Variants in TMEM71 observed in about 807,000 individuals in gnomAD.
The protein encoded by TMEM71 is transmembrane protein 71.
Under a neutral mutation model 38.0 loss-of-function variants are expected in TMEM71, and 44 were observed. That is an observed-to-expected ratio of 1.16 (90% CI 0.91 to 1.49). The LOEUF is 1.49. TMEM71 is among the 40% of genes most tolerant of loss of function. The pLI, the probability that TMEM71 is intolerant of heterozygous loss-of-function variation, is 0.00. For missense variants in TMEM71, 367 were observed against 348.6 expected, an observed-to-expected ratio of 1.05 and a Z score of -0.42; for synonymous variants, 133 against 122.5, an observed-to-expected ratio of 1.09 and a Z score of -0.56.
chr8:132,729,829 A>G (rs1827352476), intron 5 of TMEM71, among the ~76,000 whole-genome samples: 1 of 152,222 alleles, frequency 6.6e-6, no homozygotes, highest in Non-Finnish European at 1.5e-5. Context: ...CAATGAAAGG[A>G]TGGCTAAGAA....
the TMEM71 span, among the ~76,000 whole-genome samples, chr8:132,770,328 C>G: frequency 3.3e-5 from 5 of 152,158 alleles, no homozygotes; most frequent in African/African-American, 1.2e-4. Context: ...TAACAGCACT[C>G]GAATTTTGCA....
the TMEM71 span, among the ~76,000 whole-genome samples, chr8:132,765,958 T>C: frequency 6.6e-6 from 1 of 151,872 alleles, no homozygotes; most frequent in South Asian, 2.1e-4. Context: ...AATTTTTGTA[T>C]CTTTTAGTAC....
upstream of TMEM71, among the ~76,000 whole-genome samples, chr8:132,764,373 C>T (rs142980054): frequency 6.6e-6 from 1 of 151,712 alleles, no homozygotes; most frequent in Non-Finnish European, 1.5e-5. Context: ...GGCCTCTCTC[C>T]AATACACTCC....
intron 5 of TMEM71, among the ~76,000 whole-genome samples, chr8:132,730,720 T>C (rs1025518085): frequency 6.6e-6 from 1 of 152,240 alleles, no homozygotes; most frequent in African/African-American, 2.4e-5. Context: ...GGACAATTAC[T>C]TCTATGGTCC....
chr8:132,719,605 G>C (rs930202215), intron 7 of TMEM71, among the ~76,000 whole-genome samples: 2 of 150,748 alleles, frequency 1.3e-5, no homozygotes, highest in Non-Finnish European at 2.9e-5. Context: ...CAACTTTCCT[G>C]TCTGTCACCT....
At chr8:132,770,059 T>C in the TMEM71 span, among the ~76,000 whole-genome samples, 14 of 152,214 alleles carry the variant, frequency 9.2e-5, no homozygotes, top group Non-Finnish European at 1.9e-4. Flanking sequence ...CCTCTCCTGC[T>C]GCAGTTTTAA....
downstream of TMEM71, among the ~76,000 whole-genome samples, chr8:132,708,107 A>G (rs1826121034): frequency 6.6e-6 from 1 of 152,198 alleles, no homozygotes. Context: ...CAGATCACTG[A>G]GAATCTTTTG....
At chr8:132,752,954 T>G (rs1001906712) in intron 3 of TMEM71, among the ~76,000 whole-genome samples, 1 of 151,920 alleles carries the variant, frequency 6.6e-6, no homozygotes, top group East Asian at 1.9e-4. Flanking sequence ...AATGCAAAGT[T>G]TCTTGAGGTG....
At chr8:132,761,324 G>T (rs1053494355), upstream of TMEM71, among the ~76,000 whole-genome samples, 1 of 152,144 alleles carries the variant, frequency 6.6e-6, no homozygotes, top group African/African-American at 2.4e-5. Flanking sequence ...CCTCTGAGTT[G>T]CAGTTTTCTC....
chr8:132,719,548 C>A (rs2052701), intron 7 of TMEM71, among the ~76,000 whole-genome samples: 59,944 of 152,094 alleles, frequency 0.39, 13,240 homozygotes, highest in African/African-American at 0.6. Context: ...ACTTCTGGTT[C>A]CAAGCATTCT....
chr8:132,717,622 C>A (rs1356730998), intron 7 of TMEM71, among the ~76,000 whole-genome samples: 2 of 152,266 alleles, frequency 1.3e-5, no homozygotes, highest in East Asian at 3.9e-4. Flanking sequence ...AATTTGGATT[C>A]CTCATACATT....
chr8:132,763,417 C>G (rs1225348009), upstream of TMEM71, among the ~76,000 whole-genome samples: 1 of 152,198 alleles, frequency 6.6e-6, no homozygotes, highest in Non-Finnish European at 1.5e-5. Flanking sequence ...TCCAGGTAGA[C>G]TTGCCTTCAG....
At chr8:132,723,124 G>A (rs1826945246) in intron 6 of TMEM71, among the ~76,000 whole-genome samples, 1 of 152,210 alleles carries the variant, frequency 6.6e-6, no homozygotes. Context: ...CATAATGCGG[G>A]TGGAATGCTG....
At chr8:132,763,890 G>T (rs1829332478), upstream of TMEM71, among the ~76,000 whole-genome samples, 1 of 152,188 alleles carries the variant, frequency 6.6e-6, no homozygotes. Flanking sequence ...AGGAAATGCT[G>T]ACATAAATTG....
upstream of TMEM71, among the ~76,000 whole-genome samples, chr8:132,760,897 G>T (rs1354870758): frequency 1.3e-5 from 2 of 152,128 alleles, no homozygotes. Context: ...TCATCATATG[G>T]CCACATTCAG....
chr8:132,725,061 C>G (rs1345528104), intron 6 of TMEM71, among the ~76,000 whole-genome samples: 1 of 136,312 alleles, frequency 7.3e-6, no homozygotes, highest in Admixed American at 7.5e-5. Flanking sequence ...TTTTTTTTAA[C>G]AGGGTCTCAC....
chr8:132,711,454 C>T (rs79217451), intron 9 of TMEM71, among the ~76,000 whole-genome samples: 4,458 of 152,250 alleles, frequency 0.029, 104 homozygotes, highest in Non-Finnish European at 0.041. Context: ...TGTAGGGTAA[C>T]AGGTGGATTT....
chr8:132,770,300 C>T, the TMEM71 span, among the ~76,000 whole-genome samples: 2 of 152,152 alleles, frequency 1.3e-5, no homozygotes, highest in Non-Finnish European at 2.9e-5. Context: ...GTCCAAATTC[C>T]AGTCTCTTTC....
chr8:132,741,780 G>A (rs1025186084), intron 5 of TMEM71, among the ~76,000 whole-genome samples: 4 of 152,292 alleles, frequency 2.6e-5, no homozygotes, highest in Middle Eastern at 3.4e-3. Context: ...ACAGGGAGAA[G>A]GTTAGGCCTC....
Sources: gnomAD v4.1 joint callset for allele counts (sites outside exome capture counted in the v4.1 genomes callset) on GRCh38, gnomAD v4.1.1 for gene constraint, MANE v1.5 for transcripts, NCBI Gene and HGNC (gene_info 2026-07-23, HGNC 2026-07-21) for gene names.